The following ANO10 variants were observed in gnomAD, a reference collection of about 807,000 sequenced individuals.
The protein encoded by ANO10 is anoctamin 10.
A neutral mutation model predicts 74.7 loss-of-function variants in ANO10; 77 were observed. The observed-to-expected ratio is 1.03, with a 90% CI of 0.86 to 1.25. The LOEUF (loss-of-function observed/expected upper bound fraction) is 1.25. Ranked by LOEUF, ANO10 falls within the 50% of genes most tolerant of loss-of-function variation. ANO10 has a pLI of 0.00. For missense variants in ANO10, 721 were observed against 778.1 expected (o/e 0.93, Z 0.87); for synonymous variants, 279 against 284.9 (o/e 0.98, Z 0.21).
At chr3:43,586,383 G>T (rs2081481641) in intron 4 of ANO10, among the ~76,000 whole-genome samples, 1 of 151,962 alleles carries the variant, frequency 6.6e-6, no homozygotes, top group Non-Finnish European at 1.5e-5. Context: ...TTCTTTTCAG[G>T]GACTAAAATG....
At chr3:43,666,351 G>A (rs2083991961) in intron 1 of ANO10, among the ~76,000 whole-genome samples, 1 of 152,036 alleles carries the variant, frequency 6.6e-6, no homozygotes, top group African/African-American at 2.4e-5. Context: ...TCTGGATTGG[G>A]GGAATTGAAT....
intron 12 of ANO10, among the ~76,000 whole-genome samples, chr3:43,425,006 A>G (rs2092877096): frequency 6.6e-6 from 1 of 151,884 alleles, no homozygotes; most frequent in Non-Finnish European, 1.5e-5. Flanking sequence ...GAAGTAGACC[A>G]CCCCTTCCTA....
chr3:43,631,755 TAA>T (rs373728765), intron 1 of ANO10, among the ~76,000 whole-genome samples: 5,800 of 114,916 alleles, frequency 0.05, 155 homozygotes, highest in Non-Finnish European at 0.075. Flanking sequence ...AAAGTGCTTA[TAA>T]AAAAAAAAAA....
chr3:43,491,157 C>T (rs1372843443), intron 11 of ANO10, among the ~76,000 whole-genome samples: 3 of 152,122 alleles, frequency 2.0e-5, no homozygotes, highest in African/African-American at 7.2e-5. Flanking sequence ...TGCATGTGGA[C>T]ATCTCACCTC....
chr3:43,688,779 G>T (rs1251613221), intron 1 of ANO10, among the ~76,000 whole-genome samples: 7 of 152,032 alleles, frequency 4.6e-5, no homozygotes, highest in Admixed American at 3.9e-4. Flanking sequence ...GGGAGGTGCA[G>T]GTCATAGAGA....
chr3:43,449,851 G>A (rs2148992558), intron 11 of ANO10, among the ~76,000 whole-genome samples: 1 of 152,242 alleles, frequency 6.6e-6, no homozygotes, highest in Non-Finnish European at 1.5e-5. Context: ...TGGAGATTGT[G>A]TTCAATGTAC....
chr3:43,637,374 A>C (rs1200341394), intron 1 of ANO10, among the ~76,000 whole-genome samples: 4 of 151,268 alleles, frequency 2.6e-5, no homozygotes, highest in Non-Finnish European at 5.9e-5. Context: ...AGATTGAGGC[A>C]AGAGGATCAC....
At chr3:43,643,847 C>G (rs1377107395) in intron 1 of ANO10, among the ~76,000 whole-genome samples, 1 of 151,490 alleles carries the variant, frequency 6.6e-6, no homozygotes, top group African/African-American at 2.4e-5. Flanking sequence ...CCACGCCCAG[C>G]TAATTTTTTT....
intron 11 of ANO10, among the ~76,000 whole-genome samples, chr3:43,449,993 G>A (rs916659557): frequency 4.0e-5 from 6 of 151,864 alleles, no homozygotes. Flanking sequence ...ATCTATATTT[G>A]TACATTTCTT....
intron 12 of ANO10, among the ~76,000 whole-genome samples, chr3:43,419,006 C>G (rs1422213694): frequency 1.3e-5 from 2 of 152,254 alleles, no homozygotes; most frequent in Non-Finnish European, 2.9e-5. Flanking sequence ...TATTTATTAT[C>G]TGGCCCTTTA....
chr3:43,400,014 C>G (rs550326260), intron 12 of ANO10, among the ~76,000 whole-genome samples: 3 of 152,320 alleles, frequency 2.0e-5, no homozygotes, highest in South Asian at 4.1e-4. Flanking sequence ...CATCTCCCAA[C>G]AGCTGGCTGT....
At chr3:43,686,637 A>G (rs989918866) in intron 1 of ANO10, among the ~76,000 whole-genome samples, 2 of 152,230 alleles carry the variant, frequency 1.3e-5, no homozygotes, top group East Asian at 3.8e-4. Context: ...CTTGCTGTCC[A>G]GTATGGTAGC....
chr3:43,661,570 G>A (rs1011580523), intron 1 of ANO10, among the ~76,000 whole-genome samples: 1 of 152,168 alleles, frequency 6.6e-6, no homozygotes, highest in Non-Finnish European at 1.5e-5. Context: ...AACCTTAAAT[G>A]TAAATGGCCT....
intron 1 of ANO10, among the ~76,000 whole-genome samples, chr3:43,647,844 G>C (rs755846755): frequency 2.0e-5 from 3 of 152,162 alleles, no homozygotes; most frequent in Non-Finnish European, 4.4e-5. Flanking sequence ...CATTTGTAAA[G>C]GGGTAACAAT....
At position 43,501,679 on chromosome 3, in the gene ANO10, T is replaced by C. The variant is rs376379564; in HGVS notation, c.1797+48041A>G. ...ACAAGAAAGACAGCTCATTATTCAC[T>C]TTCTACTTTGCCACACAGCCCAGCA... On this transcript the variant is annotated intron_variant, in intron 11 of 12. Coordinates refer to ENST00000292246, the MANE Select transcript of ANO10 (RefSeq NM_018075.5). 1.1e-4 allele frequency among the ~76,000 whole-genome samples: 17 copies of C among 152,314 alleles called. 1 individual carries two copies. The highest frequency in any genetic ancestry group is 7.7e-4 in the East Asian group (4 of 5,184).
intron 12 of ANO10, among the ~76,000 whole-genome samples, chr3:43,383,453 CAAAAAAAAAAAA>C (rs1235535066): frequency 2.0e-5 from 1 of 50,842 alleles, no homozygotes; most frequent in African/African-American, 7.1e-5. Context: ...GACTCTGTCT[CAAAAAAAAAAAA>C]AAAAAAAAAG....
At chr3:43,533,111 A>G (rs1052977428) in intron 11 of ANO10, among the ~76,000 whole-genome samples, 73 of 152,200 alleles carry the variant, frequency 4.8e-4, no homozygotes, top group Non-Finnish European at 1.3e-4. Flanking sequence ...TGTTAGCAGA[A>G]AAAAAATGGT....
At chr3:43,485,268 TG>T (rs2076431103) in intron 11 of ANO10, 1 of 611,290 alleles carries the variant, frequency 1.6e-6, no homozygotes, top group South Asian at 1.8e-5. Flanking sequence ...AGCTGCTGTT[TG>T]CCGCCCTTTG....
At chr3:43,472,856 G>A (rs1171247513) in intron 11 of ANO10, among the ~76,000 whole-genome samples, 1 of 152,148 alleles carries the variant, frequency 6.6e-6, no homozygotes, top group Non-Finnish European at 1.5e-5. Context: ...TAGGTAAATT[G>A]CCTTGATGTC....
Sources: gnomAD v4.1 joint callset for allele counts (sites outside exome capture counted in the v4.1 genomes callset) on GRCh38, gnomAD v4.1.1 for gene constraint, MANE v1.5 for transcripts, NCBI Gene and HGNC (gene_info 2026-07-23, HGNC 2026-07-21) for gene names.